Variants in GIGYF2 observed in about 807,000 individuals in gnomAD.
GIGYF2 encodes the protein GRB10 interacting GYF protein 2.
Under a neutral mutation model 208.1 loss-of-function variants are expected in GIGYF2, and 25 were observed. That is an observed-to-expected ratio of 0.12 (90% CI 0.09 to 0.17). GIGYF2 has a LOEUF of 0.17. GIGYF2 is among the 10% of genes least tolerant of loss of function. The pLI is 1.00. For missense variants in GIGYF2, 1,302 were observed against 1,579.4 expected (o/e 0.82, Z 2.98); for synonymous variants, 534 against 543.8 (o/e 0.98, Z 0.25).
chr2:232,800,927 C>T (rs1248922599), intron 14 of GIGYF2, among the ~76,000 whole-genome samples: 2 of 151,746 alleles, frequency 1.3e-5, no homozygotes, highest in Non-Finnish European at 2.9e-5. Flanking sequence ...ACGCAGTCTG[C>T]AGTGCAGTGG....
Position 232,847,498 on chromosome 2 carries a change from G to GTCAGCAGCAGCAGCTGCC in GIGYF2, c.3612_3629dup (p.Leu1209_Gln1214dup), listed in dbSNP as rs767280217. 2 of 1,549,410 alleles carry GTCAGCAGCAGCAGCTGCC rather than the reference G, an allele frequency of 1.3e-6. No individual in the cohort carries two copies. Among genetic ancestry groups the GTCAGCAGCAGCAGCTGCC allele is most frequent in the Non-Finnish European group, 1.8e-6 (2 of 1,134,746 alleles). ...GCCAAACAGAAAGCCAACCAGCAGC[G>GTCAGCAGCAGCAGCTGCC]TCAGCAGCAGCAGCTGCCACAGCAG... is the stretch of plus-strand genomic sequence containing the variant. On this transcript the variant is annotated inframe_insertion, in exon 27 of 29. Transcript: ENST00000373563.
intron 1 of GIGYF2, 110 bp downstream of exon 1, chr2:232,697,502 C>T (rs896293761): frequency 3.3e-5 from 5 of 153,352 alleles, no homozygotes; most frequent in African/African-American, 1.2e-4. Context: ...GCCCCTGCTC[C>T]TCCTGCCCGA....
intron 2 of GIGYF2, among the ~76,000 whole-genome samples, chr2:232,704,960 C>T (rs1051695569): frequency 2.8e-5 from 4 of 143,478 alleles, no homozygotes; most frequent in East Asian, 2.2e-4. Flanking sequence ...CCCGGGTTCA[C>T]GCAATTCTCC....
intron 3 of GIGYF2, among the ~76,000 whole-genome samples, chr2:232,741,967 C>T (rs1176101130): frequency 6.6e-6 from 1 of 152,112 alleles, no homozygotes; most frequent in East Asian, 1.9e-4. Context: ...CCCTCCCTTC[C>T]TCCGACTCTC....
chr2:232,786,679 C>G (rs1699917408), intron 8 of GIGYF2, among the ~76,000 whole-genome samples: 1 of 152,076 alleles, frequency 6.6e-6, no homozygotes, highest in South Asian at 2.1e-4. Flanking sequence ...AAAGTATGTG[C>G]TAGTAAGGAA....
intron 12 of GIGYF2, among the ~76,000 whole-genome samples, chr2:232,792,095 G>T (rs1700085607): frequency 1.3e-5 from 2 of 152,060 alleles, no homozygotes; most frequent in South Asian, 4.2e-4. Flanking sequence ...GCACAATCTG[G>T]CATCTGCTTC....
chr2:232,839,901 C>A lies in GIGYF2; in HGVS notation c.2819C>A (p.Ser940Tyr). Residue 940 changes from serine to tyrosine, a missense_variant, in exon 23 of 29, where the codon TCC becomes TAC. Coordinates refer to ENST00000373563, the MANE Select transcript of GIGYF2 (RefSeq NM_001103146.3). ...GQQSNTTACQ[S>Y]QATLSLAEIQ... ...CAGTCCAATACAACAGCATGTCAGT[C>A]CCAGGCCACGCTGTCGTTGGCTGAA... 6.2e-7 allele frequency: 1 copy of A among 1,613,262 alleles called. No homozygotes were observed. Among genetic ancestry groups the A allele is most frequent in the South Asian group, 1.1e-5 (1 of 91,060 alleles).
chr2:232,761,307 G>A (rs1467721173), intron 7 of GIGYF2, 89 bp from the exon 8 acceptor site: 1 of 820,586 alleles, frequency 1.2e-6, no homozygotes, highest in Non-Finnish European at 2.1e-6. Flanking sequence ...AAGAAGAAAT[G>A]CTTTTAGAAA....
intron 2 of GIGYF2, among the ~76,000 whole-genome samples, chr2:232,724,186 C>T (rs994638055): frequency 8.1e-5 from 12 of 148,772 alleles, no homozygotes; most frequent in South Asian, 2.1e-4. Context: ...GATTAACAGG[C>T]GCCCGCTGCC....
intron 25 of GIGYF2, 59 bp downstream of exon 25, chr2:232,844,633 G>A: frequency 1.8e-6 from 2 of 1,133,854 alleles, no homozygotes; most frequent in Non-Finnish European, 2.7e-6. Context: ...GGGGATGGAG[G>A]AAGTGGGATG....
At chr2:232,848,709 A>G (rs563149845) in intron 27 of GIGYF2, among the ~76,000 whole-genome samples, 1 of 152,298 alleles carries the variant, frequency 6.6e-6, no homozygotes, top group South Asian at 2.1e-4. Flanking sequence ...ATAGACCACA[A>G]AAAGGGCACT....
chr2:232,745,858 G>A (rs1698131576), intron 3 of GIGYF2, among the ~76,000 whole-genome samples: 1 of 152,094 alleles, frequency 6.6e-6, no homozygotes, highest in African/African-American at 2.4e-5. Context: ...CCAAATTGAT[G>A]AAAATCTCAA....
chr2:232,854,724 GTTAA>G (rs994068211), intron 28 of GIGYF2, among the ~76,000 whole-genome samples: 2 of 152,044 alleles, frequency 1.3e-5, no homozygotes, highest in African/African-American at 4.8e-5. Context: ...TTTTGAGTCA[GTTAA>G]TTAAGGTATT....
intron 2 of GIGYF2, among the ~76,000 whole-genome samples, chr2:232,734,710 A>G (rs995269855): frequency 2.0e-5 from 3 of 152,176 alleles, no homozygotes; most frequent in Admixed American, 6.5e-5. Context: ...AAGCTATGTG[A>G]TAGGTAAGGA....
chr2:232,781,118 A>T (rs1370621505), intron 8 of GIGYF2, among the ~76,000 whole-genome samples: 1 of 151,856 alleles, frequency 6.6e-6, no homozygotes, highest in Non-Finnish European at 1.5e-5. Context: ...CTACCAGGCC[A>T]GGCTAATTTT....
intron 28 of GIGYF2, among the ~76,000 whole-genome samples, chr2:232,855,938 GTT>G (rs11313175): frequency 6.7e-6 from 1 of 148,728 alleles, no homozygotes; most frequent in Non-Finnish European, 1.5e-5. Context: ...TTTTTGTTTT[GTT>G]TTTTTTTTGA....
In GIGYF2 at chr2:232,856,890, C is replaced by T; in HGVS notation, c.*30C>T. 6.7e-7 allele frequency: 1 copy of T among 1,491,132 alleles called. No homozygotes were observed. Among genetic ancestry groups the T allele is most frequent in the Non-Finnish European group, 9.4e-7 (1 of 1,067,452 alleles). 92.4% of individuals were successfully genotyped at this position (1,491,132 alleles called of 1,614,324 possible). A position where few individuals can be genotyped will look rare whatever the true frequency, so the allele number is the denominator to read the frequency against. On this transcript the variant is annotated 3_prime_UTR_variant, in exon 29 of 29. Transcript: ENST00000373563. The stretch of plus-strand genomic sequence containing the variant: ...CTGCCAGTGGACTGGCCATCCCTCT[C>T]CTGTCTGCCGACTATGGAGTCTCCA...
chr2:232,750,709 A>T (rs1698304718), intron 5 of GIGYF2, among the ~76,000 whole-genome samples: 3 of 145,212 alleles, frequency 2.1e-5, no homozygotes, highest in African/African-American at 2.6e-5. Context: ...TTCCTTGTTG[A>T]TTTATGCTAT....
chr2:232,743,002 T>C (rs1377013616), intron 3 of GIGYF2, among the ~76,000 whole-genome samples: 2 of 152,212 alleles, frequency 1.3e-5, no homozygotes, highest in African/African-American at 4.8e-5. Flanking sequence ...CTCCCACACC[T>C]TCACACATTG....
Sources: allele counts gnomAD v4.1 joint callset (sites outside exome capture counted in the v4.1 genomes callset), GRCh38; gene constraint gnomAD v4.1.1; transcripts MANE v1.5; gene names NCBI Gene and HGNC (gene_info 2026-07-23, HGNC 2026-07-21).